LY96: variants seen among roughly 807,000 people sequenced by gnomAD.
LY96 encodes the protein myeloid differentiation protein-2.
LY96 carries 18 observed loss-of-function variants against 18.9 expected under a neutral mutation model. That is an observed-to-expected ratio of 0.95 (90% CI 0.66 to 1.41). LY96 has a LOEUF of 1.41. Among genes scored for constraint, LY96 ranks in the 40% most tolerant of loss-of-function variants. The pLI is 0.00. For synonymous variants in LY96, 66 were observed against 62.6 expected (o/e 1.06, Z -0.26); for missense variants, 175 against 182.4 (o/e 0.96, Z 0.23).
chr8:73,997,898 C>T (rs1816183801), intron 1 of LY96, among the ~76,000 whole-genome samples: 1 of 152,204 alleles, frequency 6.6e-6, no homozygotes, highest in Non-Finnish European at 1.5e-5. Flanking sequence ...TCTCTGGGTG[C>T]ACCATCCTCC....
At chr8:74,063,037 A>T in the LY96 span, among the ~76,000 whole-genome samples, 1 of 152,148 alleles carries the variant, frequency 6.6e-6, no homozygotes, top group African/African-American at 2.4e-5. Flanking sequence ...CTGTATCAAG[A>T]TCTCTCATAA....
rs564594921 is a variant in LY96, at chr8:74,008,704, G to T, written c.203-1297G>T. 2.0e-5 allele frequency among the ~76,000 whole-genome samples: 3 copies of T among 152,356 alleles called. No individual in the cohort carries two copies. The East Asian group carries it at 5.8e-4, about 29-fold the overall frequency. ...GGTAACTGGGCAACATTTGAGTAGA[G>T]ATATTGAATAAATACATGGGATCAA... is the stretch of plus-strand genomic sequence containing the variant. On this transcript the variant is annotated intron_variant, in intron 2 of 4. Transcript: ENST00000284818.
the LY96 span, among the ~76,000 whole-genome samples, chr8:74,039,260 A>G: frequency 2.0e-5 from 3 of 152,094 alleles, no homozygotes; most frequent in African/African-American, 7.2e-5. Context: ...TGAGCTCCTT[A>G]TATATTCTGG....
intron 3 of LY96, among the ~76,000 whole-genome samples, chr8:74,025,463 T>G (rs924297796): frequency 3.0e-4 from 46 of 151,522 alleles, no homozygotes; most frequent in African/African-American, 1.1e-3. Flanking sequence ...AATACCAGCC[T>G]GGCCAACATA....
At chr8:74,022,964 G>A (rs991333043) in intron 3 of LY96, among the ~76,000 whole-genome samples, 2 of 152,098 alleles carry the variant, frequency 1.3e-5, no homozygotes, top group African/African-American at 4.8e-5. Flanking sequence ...TACAGAGTTG[G>A]CTTTATGACC....
At chr8:74,091,274 G>A in the LY96 span, among the ~76,000 whole-genome samples, 97 of 152,280 alleles carry the variant, frequency 6.4e-4, 1 homozygote, top group South Asian at 0.017. Context: ...GAAAGCTCTC[G>A]AAGTGGCACC....
At chr8:74,035,406 C>CAAAATA in the LY96 span, among the ~76,000 whole-genome samples, 82 of 152,140 alleles carry the variant, frequency 5.4e-4, no homozygotes, top group African/African-American at 1.7e-3. Context: ...TGTTATGGGG[C>CAAAATA]AAAATAAAGA....
At chr8:74,029,385 G>A (rs1436701902), downstream of LY96, among the ~76,000 whole-genome samples, 3 of 152,156 alleles carry the variant, frequency 2.0e-5, no homozygotes, top group Non-Finnish European at 4.4e-5. Flanking sequence ...ATCTTGAATT[G>A]TAGTTCCCAT....
At chr8:74,009,287 C>G (rs1428165620) in intron 2 of LY96, among the ~76,000 whole-genome samples, 1 of 149,378 alleles carries the variant, frequency 6.7e-6, no homozygotes, top group African/African-American at 2.5e-5. Context: ...CCCAGCTACT[C>G]CAGCGGCTGA....
chr8:74,060,940 C>T, the LY96 span, among the ~76,000 whole-genome samples: 2 of 152,198 alleles, frequency 1.3e-5, no homozygotes, highest in Non-Finnish European at 1.5e-5. Flanking sequence ...AAAATACCAT[C>T]CCTATTCAAC....
At chr8:74,067,406 G>A in the LY96 span, among the ~76,000 whole-genome samples, 1 of 152,108 alleles carries the variant, frequency 6.6e-6, no homozygotes, top group South Asian at 2.1e-4. Flanking sequence ...TTTATTTTTT[G>A]TAAAGATGGG....
the LY96 span, among the ~76,000 whole-genome samples, chr8:74,045,338 T>A: frequency 6.6e-6 from 1 of 152,160 alleles, no homozygotes; most frequent in Admixed American, 6.5e-5. Flanking sequence ...ACACGAAGGC[T>A]ACAATAAATG....
chr8:74,061,102 T>C, the LY96 span, among the ~76,000 whole-genome samples: 1 of 152,244 alleles, frequency 6.6e-6, no homozygotes, highest in Admixed American at 6.5e-5. Context: ...TTTGAGGATC[T>C]GGCCTGCTCC....
At chr8:74,026,884 T>C in intron 4 of LY96, 43 bp downstream of exon 4, 1 of 975,772 alleles carries the variant, frequency 1.0e-6, no homozygotes, top group Non-Finnish European at 1.7e-6. Flanking sequence ...CCTTTAGCAG[T>C]AATAGACATG....
intron 2 of LY96, among the ~76,000 whole-genome samples, chr8:74,007,737 T>C (rs1816442905): frequency 6.6e-6 from 1 of 152,188 alleles, no homozygotes; most frequent in South Asian, 2.1e-4. Context: ...ATAGTCCTCT[T>C]TTATACCACA....
chr8:73,991,441 T>A lies in LY96; in HGVS notation c.-2T>A. On this transcript the variant is annotated 5_prime_UTR_variant, in exon 1 of 5. Coordinates refer to ENST00000284818, the MANE Select transcript of LY96 (RefSeq NM_015364.5). ...TTTGTAAAGCTTTGGAGATATTGAA[T>A]CATGTTACCATTTCTGTTTTTTTCC... 1 of 1,529,868 alleles carries A rather than the reference T, an allele frequency of 6.5e-7. No individual in the cohort carries two copies. Among genetic ancestry groups the A allele is most frequent in the South Asian group, 1.1e-5 (1 of 89,308 alleles). 94.8% of individuals were successfully genotyped at this position (1,529,868 alleles called of 1,614,324 possible).
At chr8:73,993,745 A>G (rs1816060947) in intron 1 of LY96, among the ~76,000 whole-genome samples, 1 of 151,914 alleles carries the variant, frequency 6.6e-6, no homozygotes, top group Admixed American at 6.6e-5. Flanking sequence ...AGCTGGCCTA[A>G]TTATTAATTT....
At chr8:74,002,726 C>A (rs553847599) in intron 1 of LY96, among the ~76,000 whole-genome samples, 20 of 149,694 alleles carry the variant, frequency 1.3e-4, no homozygotes, top group South Asian at 4.4e-4. Context: ...CACATGCCAC[C>A]ACGCCCAGCT....
chr8:74,070,854 A>G, the LY96 span, among the ~76,000 whole-genome samples: 1 of 152,208 alleles, frequency 6.6e-6, no homozygotes, highest in African/African-American at 2.4e-5. Context: ...TAAAAAATTA[A>G]AAACATTTTA....
Sources: allele counts gnomAD v4.1 joint callset (sites outside exome capture counted in the v4.1 genomes callset), GRCh38; gene constraint gnomAD v4.1.1; transcripts MANE v1.5; gene names NCBI Gene and HGNC (gene_info 2026-07-23, HGNC 2026-07-21).